The following RGSL1 variants were observed in gnomAD, a reference collection of about 807,000 sequenced individuals.
RGSL1 encodes regulator of G protein signaling protein-like.
A neutral mutation model predicts 124.7 loss-of-function variants in RGSL1; 97 were observed. That is an observed-to-expected ratio of 0.78 (90% CI 0.66 to 0.92). The LOEUF is 0.92. Among genes scored for constraint, RGSL1 ranks in the 40% least tolerant of loss-of-function variants. The probability of loss-of-function intolerance (pLI) is 0.00; values close to 1 mark genes in which losing one functional copy is unlikely to be tolerated. For synonymous variants in RGSL1, 424 were observed against 438.1 expected, an observed-to-expected ratio of 0.97 and a Z score of 0.40; for missense variants, 1,233 against 1,288.4, an observed-to-expected ratio of 0.96 and a Z score of 0.66.
chr1:182,554,753 TA>T, intron 20 of RGSL1, 60 bp downstream of exon 20: 1 of 1,485,746 alleles, frequency 6.7e-7, no homozygotes, highest in Non-Finnish European at 9.2e-7. Context: ...AAGCATGCAA[TA>T]GGAGATGGTA....
chr1:182,521,312 C>T (rs1318431467), intron 9 of RGSL1, among the ~76,000 whole-genome samples: 2 of 152,206 alleles, frequency 1.3e-5, no homozygotes, highest in African/African-American at 4.8e-5. Flanking sequence ...CTCAAGTGAT[C>T]CTCCCACTTT....
At chr1:182,473,549 C>G in intron 5 of RGSL1, 26 bp from the exon 6 acceptor site, 1 of 1,490,900 alleles carries the variant, frequency 6.7e-7, no homozygotes, top group Non-Finnish European at 8.9e-7. Flanking sequence ...TCATTTTCAC[C>G]CATGATTTCT....
chr1:182,509,589 G>A (rs1657183457), intron 9 of RGSL1, among the ~76,000 whole-genome samples: 1 of 130,516 alleles, frequency 7.7e-6, no homozygotes, highest in East Asian at 2.3e-4. Flanking sequence ...CAGGCTGAGG[G>A]GCTCCTCACT....
chr1:182,450,338 C>G, intron 1 of RGSL1, 160 bp downstream of exon 1: 1 of 777,860 alleles, frequency 1.3e-6, no homozygotes, highest in Non-Finnish European at 2.2e-6. Flanking sequence ...CCTTCTTCCC[C>G]TTCCTCCTAC....
At chr1:182,502,625 C>A (rs1327898406) in intron 9 of RGSL1, among the ~76,000 whole-genome samples, 1 of 152,058 alleles carries the variant, frequency 6.6e-6, no homozygotes, top group Non-Finnish European at 1.5e-5. Flanking sequence ...TTATCTAGTT[C>A]CGAATCTGGA....
chr1:182,485,795 T>C (rs574789803), intron 6 of RGSL1, among the ~76,000 whole-genome samples: 1 of 152,232 alleles, frequency 6.6e-6, no homozygotes, highest in East Asian at 1.9e-4. Flanking sequence ...CTAGGGATGG[T>C]TTAACATTTC....
chr1:182,517,669 A>G (rs1352475836), intron 9 of RGSL1, among the ~76,000 whole-genome samples: 1 of 152,076 alleles, frequency 6.6e-6, no homozygotes, highest in African/African-American at 2.4e-5. Context: ...GAGAGCCTCT[A>G]ATGAATTTTT....
intron 9 of RGSL1, among the ~76,000 whole-genome samples, chr1:182,496,887 ACCTT>A (rs1051053589): frequency 5.4e-5 from 2 of 37,044 alleles, no homozygotes; most frequent in Admixed American, 4.4e-4. Context: ...GGATTCTAGA[ACCTT>A]TCTTTACTGA....
intron 6 of RGSL1, among the ~76,000 whole-genome samples, chr1:182,474,875 G>A (rs978813602): frequency 1.3e-5 from 2 of 152,164 alleles, no homozygotes; most frequent in Non-Finnish European, 2.9e-5. Context: ...AAGGATCTGG[G>A]TTGCATGCTT....
intron 9 of RGSL1, among the ~76,000 whole-genome samples, chr1:182,508,894 G>T (rs570273537): frequency 1.1e-5 from 1 of 87,158 alleles, no homozygotes; most frequent in Non-Finnish European, 2.3e-5. Flanking sequence ...GACTCTTAAC[G>T]AGCATGCTGC....
chr1:182,459,741 A>T (rs1363315719), intron 3 of RGSL1, among the ~76,000 whole-genome samples: 1 of 152,204 alleles, frequency 6.6e-6, no homozygotes, highest in East Asian at 1.9e-4. Context: ...TCACTCAGGG[A>T]TAAGAAAGAA....
At chr1:182,558,032 G>A (rs1348582001) in intron 21 of RGSL1, among the ~76,000 whole-genome samples, 1 of 151,734 alleles carries the variant, frequency 6.6e-6, no homozygotes, top group African/African-American at 2.4e-5. Context: ...GGTGTTGCCA[G>A]AGCTTCTACT....
At chr1:182,508,023 T>C (rs1288233443) in intron 9 of RGSL1, among the ~76,000 whole-genome samples, 1 of 152,138 alleles carries the variant, frequency 6.6e-6, no homozygotes, top group Non-Finnish European at 1.5e-5. Context: ...ATGTTGATTT[T>C]CTTTCTTTAA....
chr1:182,547,064 G>T (rs1409355644), intron 15 of RGSL1, among the ~76,000 whole-genome samples: 1 of 152,196 alleles, frequency 6.6e-6, no homozygotes, highest in African/African-American at 2.4e-5. Context: ...CCCAGTGATG[G>T]ATTTAGCTCA....
At chr1:182,492,943 C>A (rs1655643011) in intron 8 of RGSL1, 79 bp from the exon 9 acceptor site, 2 of 988,384 alleles carry the variant, frequency 2.0e-6, no homozygotes, top group South Asian at 1.4e-5. Context: ...AAAGGCAATA[C>A]CTTCAACAAA....
chr1:182,449,012 C>G (rs900725317), upstream of RGSL1, among the ~76,000 whole-genome samples: 3 of 152,048 alleles, frequency 2.0e-5, no homozygotes, highest in African/African-American at 7.2e-5. Context: ...GACCTTGACT[C>G]TATTTATTTT....
At chr1:182,498,725 GTTTTTTA>G (rs970214034) in intron 9 of RGSL1, among the ~76,000 whole-genome samples, 6 of 151,486 alleles carry the variant, frequency 4.0e-5, no homozygotes, top group African/African-American at 1.2e-4. Flanking sequence ...TCAGTTTTTT[GTTTTTTA>G]TTTTTAATTT....
At chr1:182,519,482 T>C (rs912831545) in intron 9 of RGSL1, among the ~76,000 whole-genome samples, 7 of 59,404 alleles carry the variant, frequency 1.2e-4, no homozygotes, top group Non-Finnish European at 1.8e-4. Flanking sequence ...TAGAAGAAAA[T>C]AGTTCTTTTT....
intron 20 of RGSL1, chr1:182,555,002 G>T (rs146092847): frequency 6.0e-6 from 2 of 331,308 alleles, no homozygotes; most frequent in East Asian, 1.2e-4. Context: ...CATTTTTATA[G>T]ATTTAAGGAG....
Sources: allele counts gnomAD v4.1 joint callset (sites outside exome capture counted in the v4.1 genomes callset), GRCh38; gene constraint gnomAD v4.1.1; transcripts MANE v1.5; gene names NCBI Gene and HGNC (gene_info 2026-07-23, HGNC 2026-07-21).